The following CEP70 variants were observed in gnomAD, a reference collection of about 807,000 sequenced individuals.
CEP70 encodes the protein centrosomal protein of 70 kDa.
A neutral mutation model predicts 90.9 loss-of-function variants in CEP70; 70 were observed. The ratio of observed to expected loss-of-function variants is 0.77; its 90% CI spans 0.64 to 0.94. CEP70 has a LOEUF of 0.94. Among genes scored for constraint, CEP70 ranks in the 40% least tolerant of loss-of-function variants. The pLI is 0.00. For missense variants in CEP70, 648 were observed against 669.0 expected (o/e 0.97, Z 0.35); for synonymous variants, 220 against 228.3 (o/e 0.96, Z 0.33).
intron 6 of CEP70, among the ~76,000 whole-genome samples, chr3:138,542,711 C>T (rs774838973): frequency 6.6e-5 from 10 of 152,348 alleles, no homozygotes; most frequent in Middle Eastern, 3.4e-3. Context: ...TTTGTCACCA[C>T]GCACAGCCCG....
chr3:138,592,668 A>G (rs2042442753), intron 1 of CEP70, among the ~76,000 whole-genome samples: 1 of 152,068 alleles, frequency 6.6e-6, no homozygotes, highest in Non-Finnish European at 1.5e-5. Context: ...AGGTTTCCCG[A>G]GTCTTTCAGC....
chr3:138,575,401 G>T (rs1053747300), intron 2 of CEP70, among the ~76,000 whole-genome samples: 3 of 152,000 alleles, frequency 2.0e-5, no homozygotes, highest in African/African-American at 4.8e-5. Context: ...GAAGTTTAGA[G>T]AAAAAAGTAA....
At chr3:138,504,130 C>G (rs1021348399) in intron 13 of CEP70, among the ~76,000 whole-genome samples, 6 of 152,034 alleles carry the variant, frequency 3.9e-5, no homozygotes, top group African/African-American at 1.2e-4. Flanking sequence ...CTGGGAGAAC[C>G]CTCTGACAGG....
chr3:138,563,727 T>A (rs1053823104), intron 6 of CEP70, among the ~76,000 whole-genome samples: 1 of 152,138 alleles, frequency 6.6e-6, no homozygotes, highest in African/African-American at 2.4e-5. Context: ...TAACACTAAG[T>A]GCCCACAAGA....
In CEP70 at chr3:138,497,393, C is replaced by T. The variant is rs569383611; in HGVS notation, c.1732+638G>A. On this transcript the variant is annotated intron_variant, in intron 17 of 17. Transcript: ENST00000264982. ...AAAAAATTCACTGGTGAATACATCA[C>T]TTTAAAACTTTAAAAATCATTCTTA... 5.8e-5 allele frequency: 68 copies of T among 1,166,176 alleles called. 1 individual carries two copies. In the South Asian group the frequency reaches 1.1e-3, roughly 18 times the overall value. The allele number at this position is 1,166,176 out of a possible 1,614,324, so 72.2% of individuals were successfully genotyped here.
intron 16 of CEP70, chr3:138,499,844 C>T: frequency 2.9e-6 from 1 of 342,772 alleles, no homozygotes; most frequent in Non-Finnish European, 5.5e-6. Flanking sequence ...TACAGTCACA[C>T]ACACACACAA....
intron 10 of CEP70, among the ~76,000 whole-genome samples, chr3:138,528,975 G>C (rs769364861): frequency 6.6e-6 from 1 of 152,132 alleles, no homozygotes; most frequent in African/African-American, 2.4e-5. Context: ...CTGGGTGACA[G>C]AGTAAGACTC....
chr3:138,523,337 C>G (rs1171848421), intron 11 of CEP70, among the ~76,000 whole-genome samples: 2 of 152,158 alleles, frequency 1.3e-5, no homozygotes, highest in Non-Finnish European at 2.9e-5. Context: ...CCCTCTCTCA[C>G]CACTCCTATT....
intron 2 of CEP70, among the ~76,000 whole-genome samples, chr3:138,574,864 T>C (rs1284106654): frequency 1.3e-5 from 2 of 152,180 alleles, no homozygotes; most frequent in Non-Finnish European, 2.9e-5. Flanking sequence ...GGGACCTAAC[T>C]GTTAGAAGGA....
chr3:138,581,219 T>C (rs1435991646), intron 2 of CEP70, among the ~76,000 whole-genome samples: 2 of 150,348 alleles, frequency 1.3e-5, no homozygotes, highest in East Asian at 2.0e-4. Context: ...GAGATGGAGG[T>C]TGCAGTGAGC....
At chr3:138,575,477 G>T (rs1016552078) in intron 2 of CEP70, among the ~76,000 whole-genome samples, 1 of 152,130 alleles carries the variant, frequency 6.6e-6, no homozygotes, top group Non-Finnish European at 1.5e-5. Context: ...ATGTCTGTTT[G>T]GTGTACCCAA....
intron 2 of CEP70, among the ~76,000 whole-genome samples, chr3:138,576,796 A>G (rs1474653780): frequency 1.3e-5 from 2 of 152,184 alleles, no homozygotes; most frequent in African/African-American, 4.8e-5. Flanking sequence ...GGATTAAGAA[A>G]CTCACTCAAA....
At chr3:138,510,855 T>G (rs1379677128) in intron 11 of CEP70, among the ~76,000 whole-genome samples, 1 of 136,408 alleles carries the variant, frequency 7.3e-6, no homozygotes, top group Non-Finnish European at 1.6e-5. Context: ...GCTTTTTCCA[T>G]CTTTTTTTTT....
At chr3:138,527,004 C>T (rs1015931439) in intron 10 of CEP70, among the ~76,000 whole-genome samples, 12 of 101,924 alleles carry the variant, frequency 1.2e-4, no homozygotes, top group African/African-American at 4.4e-4. Context: ...GAGTGAAAGA[C>T]GATAGACAAA....
chr3:138,560,477 T>G (rs1386334641), intron 6 of CEP70, among the ~76,000 whole-genome samples: 2 of 151,838 alleles, frequency 1.3e-5, no homozygotes, highest in African/African-American at 4.8e-5. Context: ...GTTTTTGTTT[T>G]TTTTTTTTCA....
intron 11 of CEP70, among the ~76,000 whole-genome samples, chr3:138,513,503 G>T (rs1400192520): frequency 6.6e-6 from 1 of 151,636 alleles, no homozygotes; most frequent in African/African-American, 2.4e-5. Context: ...TTTTGTGCAG[G>T]GCTCCTAGGC....
intron 11 of CEP70, among the ~76,000 whole-genome samples, chr3:138,520,080 C>T (rs1363946470): frequency 6.6e-6 from 1 of 152,084 alleles, no homozygotes; most frequent in Non-Finnish European, 1.5e-5. Flanking sequence ...TCAAAAGAGA[C>T]AAAGAAGGCC....
intron 3 of CEP70, 132 bp downstream of exon 3, chr3:138,572,727 T>C (rs12635904): frequency 0.064 from 44,434 of 697,292 alleles, 4,003 homozygotes; most frequent in East Asian, 0.37. Context: ...AACCATTTCA[T>C]AGTCTTTAAC....
chr3:138,555,291 T>A (rs1381290290), intron 6 of CEP70, among the ~76,000 whole-genome samples: 1 of 149,106 alleles, frequency 6.7e-6, no homozygotes, highest in African/African-American at 2.5e-5. Flanking sequence ...AGGACTTAAA[T>A]GACTTAAATC....
Sources: gnomAD v4.1 joint callset for allele counts (sites outside exome capture counted in the v4.1 genomes callset) on GRCh38, gnomAD v4.1.1 for gene constraint, MANE v1.5 for transcripts, NCBI Gene and HGNC (gene_info 2026-07-23, HGNC 2026-07-21) for gene names.